PTPRT: variants seen among roughly 807,000 people sequenced by gnomAD.
PTPRT encodes the protein protein tyrosine phosphatase receptor type T, also known as receptor-type tyrosine-protein phosphatase T.
In PTPRT, 56 loss-of-function variants were observed where a neutral mutation model predicts 176.8. The observed-to-expected ratio is 0.32, with a 90% CI of 0.26 to 0.40. The LOEUF (loss-of-function observed/expected upper bound fraction) is 0.40. PTPRT is among the 10% of genes least tolerant of loss of function. The probability of loss-of-function intolerance (pLI) is 1.00; values close to 1 mark genes in which losing one functional copy is unlikely to be tolerated. For missense variants in PTPRT, 1,540 were observed against 1,908.2 expected, an observed-to-expected ratio of 0.81 and a Z score of 3.60; for synonymous variants, 783 against 739.0, an observed-to-expected ratio of 1.06 and a Z score of -0.96.
intron 1 of PTPRT, among the ~76,000 whole-genome samples, chr20:42,920,028 TG>T (rs1170402300): frequency 6.6e-6 from 1 of 152,190 alleles, no homozygotes; most frequent in African/African-American, 2.4e-5. Flanking sequence ...TGGTGAGCCC[TG>T]GTACAGGTGG....
At chr20:42,548,315 C>T (rs2072710779) in intron 7 of PTPRT, among the ~76,000 whole-genome samples, 2 of 151,856 alleles carry the variant, frequency 1.3e-5, no homozygotes, top group Admixed American at 1.3e-4. Flanking sequence ...GAACAAAAGG[C>T]ACAGTAATAG....
intron 9 of PTPRT, among the ~76,000 whole-genome samples, chr20:42,374,078 C>T (rs911386841): frequency 6.6e-6 from 1 of 152,150 alleles, no homozygotes; most frequent in Non-Finnish European, 1.5e-5. Flanking sequence ...CCTCTAACCC[C>T]TAACATCTAA....
At chr20:42,788,524 C>T (rs961593034) in intron 3 of PTPRT, among the ~76,000 whole-genome samples, 9 of 152,160 alleles carry the variant, frequency 5.9e-5, no homozygotes, top group Non-Finnish European at 7.3e-5. Context: ...GCAAAGGAAA[C>T]GTGGTCCCAA....
chr20:42,334,107 C>T (rs953979532), intron 11 of PTPRT, among the ~76,000 whole-genome samples: 2 of 152,112 alleles, frequency 1.3e-5, no homozygotes, highest in East Asian at 3.8e-4. Context: ...AGATCAAGAA[C>T]CTGTGAATCA....
At chr20:42,032,506 A>G in the PTPRT span, among the ~76,000 whole-genome samples, 3 of 152,176 alleles carry the variant, frequency 2.0e-5, 1 homozygote, top group Non-Finnish European at 2.9e-5. Flanking sequence ...GGGAAAGGCC[A>G]CTCATTTCTT....
At chr20:42,809,186 G>A (rs531678744) in intron 2 of PTPRT, among the ~76,000 whole-genome samples, 6 of 152,310 alleles carry the variant, frequency 3.9e-5, no homozygotes, top group East Asian at 1.9e-4. Context: ...TCACGTCACT[G>A]CCCAATTCTC....
chr20:42,851,179 T>G (rs1014189634), intron 2 of PTPRT, among the ~76,000 whole-genome samples: 1 of 152,232 alleles, frequency 6.6e-6, no homozygotes, highest in Non-Finnish European at 1.5e-5. Flanking sequence ...TTCTGTTCCC[T>G]GCACAGCTCA....
At chr20:42,982,802 T>A (rs1665710505) in intron 1 of PTPRT, among the ~76,000 whole-genome samples, 2 of 152,196 alleles carry the variant, frequency 1.3e-5, no homozygotes, top group South Asian at 4.1e-4. Flanking sequence ...GTGCCATTGC[T>A]GCTCTTATGA....
At chr20:42,974,173 G>C (rs995266266) in intron 1 of PTPRT, among the ~76,000 whole-genome samples, 1 of 152,054 alleles carries the variant, frequency 6.6e-6, no homozygotes, top group African/African-American at 2.4e-5. Flanking sequence ...CAATGAGAAG[G>C]GACTTTGCAA....
At chr20:42,442,710 T>C (rs1306764818) in intron 9 of PTPRT, among the ~76,000 whole-genome samples, 1 of 152,234 alleles carries the variant, frequency 6.6e-6, no homozygotes, top group Non-Finnish European at 1.5e-5. Flanking sequence ...TCACACTGTG[T>C]GATTTTTATT....
intron 13 of PTPRT, among the ~76,000 whole-genome samples, chr20:42,280,983 T>C (rs912667328): frequency 3.3e-5 from 5 of 152,086 alleles, no homozygotes; most frequent in African/African-American, 1.2e-4. Flanking sequence ...CATCCATCTC[T>C]CCTGGTCTAG....
chr20:42,780,119 G>C, intron 4 of PTPRT, 99 bp downstream of exon 4: 2 of 939,032 alleles, frequency 2.1e-6, no homozygotes, highest in Non-Finnish European at 3.5e-6. Context: ...GAGAGAGTGA[G>C]AGATGTTTGT....
chr20:42,647,761 CG>C, intron 7 of PTPRT, among the ~76,000 whole-genome samples: 1 of 152,292 alleles, frequency 6.6e-6, no homozygotes, highest in Middle Eastern at 3.4e-3. Context: ...TCTGTGATAC[CG>C]GCTGACGCTC....
At chr20:42,778,391 G>C (rs865908089) in intron 4 of PTPRT, among the ~76,000 whole-genome samples, 1 of 152,140 alleles carries the variant, frequency 6.6e-6, no homozygotes, top group African/African-American at 2.4e-5. Flanking sequence ...AGAGCACAAA[G>C]TTCTGGGATC....
In PTPRT at chr20:42,662,670, G is replaced by A. The variant is rs150501515; in HGVS notation, c.1153+15196C>T. On this transcript the variant is annotated intron_variant, in intron 7 of 30. Transcript: ENST00000373187. Reference sequence around the variant, plus strand: ...GCCCAAGGCTGTCCAGCATCCTAAGGAGTGAATCTAGCATTAAAACTCTGA... The same window carrying A: ...GCCCAAGGCTGTCCAGCATCCTAAGAAGTGAATCTAGCATTAAAACTCTGA... Among the ~76,000 whole-genome samples the A allele has an allele frequency of 4.5e-3, 678 of 152,224 alleles. 7 individuals carry two copies. The highest frequency in any genetic ancestry group is 0.016 in the African/African-American group (662 of 41,538).
At chr20:43,154,190 T>A (rs2014449303) in intron 1 of PTPRT, among the ~76,000 whole-genome samples, 1 of 152,210 alleles carries the variant, frequency 6.6e-6, no homozygotes, top group African/African-American at 2.4e-5. Flanking sequence ...TTCAGTTGAT[T>A]TTTGTACACG....
At chr20:42,519,313 T>C (rs953134120) in intron 7 of PTPRT, among the ~76,000 whole-genome samples, 18 of 152,168 alleles carry the variant, frequency 1.2e-4, no homozygotes, top group African/African-American at 4.3e-4. Flanking sequence ...TCCTTTGTAT[T>C]GCTGAGTAGT....
intron 7 of PTPRT, among the ~76,000 whole-genome samples, chr20:42,572,961 CT>C (rs76184453): frequency 0.017 from 2,314 of 140,068 alleles, 25 homozygotes; most frequent in Middle Eastern, 0.033. Flanking sequence ...AATTGATAGC[CT>C]TTTTTTTTTT....
chr20:42,757,401 G>A (rs1260276083), intron 5 of PTPRT, among the ~76,000 whole-genome samples: 2 of 152,176 alleles, frequency 1.3e-5, no homozygotes, highest in Non-Finnish European at 2.9e-5. Flanking sequence ...CACAGGCTCT[G>A]AGCCCCACCT....
Sources: gnomAD v4.1 joint callset for allele counts (sites outside exome capture counted in the v4.1 genomes callset) on GRCh38, gnomAD v4.1.1 for gene constraint, MANE v1.5 for transcripts, NCBI Gene and HGNC (gene_info 2026-07-23, HGNC 2026-07-21) for gene names.